Variants in LYPD6B observed in about 807,000 individuals in gnomAD.
The protein encoded by LYPD6B is ly6/PLAUR domain-containing protein 6B.
Under a neutral mutation model 22.8 loss-of-function variants are expected in LYPD6B, and 17 were observed. The ratio of observed to expected loss-of-function variants is 0.75; its 90% CI spans 0.51 to 1.12. The LOEUF (loss-of-function observed/expected upper bound fraction) is 1.12. LYPD6B is among the 50% of genes most tolerant of loss of function. The probability of loss-of-function intolerance (pLI) is 0.00; values close to 1 mark genes in which losing one functional copy is unlikely to be tolerated. For missense variants in LYPD6B, 221 were observed against 258.3 expected, an observed-to-expected ratio of 0.86 and a Z score of 0.99; for synonymous variants, 106 against 91.6, an observed-to-expected ratio of 1.16 and a Z score of -0.90.
chr2:149,051,460 C>T (rs1261638502), intron 1 of LYPD6B, among the ~76,000 whole-genome samples: 2 of 152,104 alleles, frequency 1.3e-5, no homozygotes, highest in East Asian at 1.9e-4. Flanking sequence ...CCACCGCGCC[C>T]GGCCAACAAC....
chr2:149,065,158 G>T (rs1195525844), intron 1 of LYPD6B, among the ~76,000 whole-genome samples: 2 of 152,134 alleles, frequency 1.3e-5, no homozygotes, highest in Non-Finnish European at 2.9e-5. Flanking sequence ...GTCTCCTTAC[G>T]AGTGATAGAT....
At chr2:149,091,545 T>C (rs1051980709) in intron 1 of LYPD6B, among the ~76,000 whole-genome samples, 5 of 151,946 alleles carry the variant, frequency 3.3e-5, no homozygotes, top group African/African-American at 1.2e-4. Flanking sequence ...TATTTCTGAG[T>C]AGGACAAATC....
intron 1 of LYPD6B, among the ~76,000 whole-genome samples, chr2:149,047,052 A>T (rs1683340505): frequency 6.6e-6 from 1 of 152,250 alleles, no homozygotes; most frequent in Non-Finnish European, 1.5e-5. Context: ...TGTAGGTTAT[A>T]GTTTGCTTAC....
At chr2:149,080,841 CAAAAAAAAAAAAAAA>C (rs35803068) in intron 1 of LYPD6B, among the ~76,000 whole-genome samples, 9 of 46,228 alleles carry the variant, frequency 1.9e-4, no homozygotes, top group Non-Finnish European at 2.2e-4. Flanking sequence ...GACTCTATCT[CAAAAAAAAAAAAAAA>C]AAAAAAAAAA....
chr2:149,169,860 A>G lies in LYPD6B; in HGVS notation c.77+9025A>G, dbSNP rs557005204. 2.0e-5 allele frequency among the ~76,000 whole-genome samples: 3 copies of G among 152,304 alleles called. No individual in the cohort carries two copies. The South Asian group carries it at 6.2e-4, about 32-fold the overall frequency. On this transcript the variant is annotated intron_variant, in intron 3 of 6. Coordinates refer to ENST00000409642, the MANE Select transcript of LYPD6B (RefSeq NM_177964.5). ...ACAACTGTTCTTATCCTAACTAGCA[A>G]CTTCAAGAGAACGATTACTCATCCC... is the stretch of plus-strand genomic sequence containing the variant.
chr2:149,093,420 A>G (rs1252908134), intron 1 of LYPD6B, among the ~76,000 whole-genome samples: 2 of 152,182 alleles, frequency 1.3e-5, no homozygotes, highest in African/African-American at 4.8e-5. Flanking sequence ...AAGTATTTCC[A>G]TTAATAAGAC....
chr2:149,147,905 C>CGTGTGTGT (rs1689130457), intron 2 of LYPD6B, among the ~76,000 whole-genome samples: 3 of 57,196 alleles, frequency 5.2e-5, no homozygotes, highest in African/African-American at 1.1e-4. Context: ...TGCACATGGG[C>CGTGTGTGT]CTGTGTGTGT....
intron 4 of LYPD6B, among the ~76,000 whole-genome samples, chr2:149,208,010 C>G (rs1693608303): frequency 6.6e-6 from 1 of 152,060 alleles, no homozygotes; most frequent in Admixed American, 6.6e-5. Context: ...CCCCCTCAAC[C>G]CCTACTTATT....
chr2:149,175,061 CTG>C (rs1330239336), intron 3 of LYPD6B, among the ~76,000 whole-genome samples: 8 of 113,078 alleles, frequency 7.1e-5, no homozygotes, highest in East Asian at 2.9e-4. Flanking sequence ...CTCTCTCTCT[CTG>C]TGTGTGTGTG....
In LYPD6B at chr2:149,090,709, A is replaced by G. The variant is rs140810286; in HGVS notation, c.-66-40174A>G. ...TAACTCAGGCAGAGGACCCAAAGATATTGGTTACATTAAGCAAATAGAAGG... is the reference window on the plus strand; with the variant it reads ...TAACTCAGGCAGAGGACCCAAAGATGTTGGTTACATTAAGCAAATAGAAGG... On this transcript the variant is annotated intron_variant, in intron 1 of 6. Coordinates refer to ENST00000409642, the MANE Select transcript of LYPD6B (RefSeq NM_177964.5). Among the ~76,000 whole-genome samples, 572 of 152,282 alleles carry G rather than the reference A, an allele frequency of 3.8e-3. 2 individuals carry two copies. The highest frequency in any genetic ancestry group is 0.013 in the African/African-American group (542 of 41,572).
intron 1 of LYPD6B, among the ~76,000 whole-genome samples, chr2:149,057,044 T>G (rs1042318234): frequency 1.3e-5 from 2 of 152,220 alleles, no homozygotes; most frequent in African/African-American, 4.8e-5. Flanking sequence ...TACTGCAAAG[T>G]CATCTTTCCA....
At chr2:149,157,225 T>C (rs1689763443) in intron 2 of LYPD6B, among the ~76,000 whole-genome samples, 1 of 152,160 alleles carries the variant, frequency 6.6e-6, no homozygotes, top group South Asian at 2.1e-4. Flanking sequence ...TCTCCTGTTT[T>C]AGAGGCAAAG....
chr2:149,045,107 T>C (rs1199527815), intron 1 of LYPD6B, among the ~76,000 whole-genome samples: 1 of 152,062 alleles, frequency 6.6e-6, no homozygotes, highest in Non-Finnish European at 1.5e-5. Context: ...TAAATAGATA[T>C]AGGACTATTC....
rs1278329326 is a variant in LYPD6B, at chr2:149,188,365, C to A, written c.78-16888C>A. On this transcript the variant is annotated intron_variant, in intron 3 of 6. Transcript: ENST00000409642. ...TCTCTTCTAAACTCTCTTGTCAAGCCATGGGCTGGTTGGTTCTGACTTTAT... is the reference window on the plus strand; with the variant it reads ...TCTCTTCTAAACTCTCTTGTCAAGCAATGGGCTGGTTGGTTCTGACTTTAT... Among the ~76,000 whole-genome samples the A allele has an allele frequency of 2.0e-5, 3 of 152,112 alleles. No individual in the cohort carries two copies. The East Asian group carries it at 5.8e-4, about 29-fold the overall frequency.
rs138662987 is a variant in LYPD6B, at chr2:149,120,899, C to T, written c.-66-9984C>T. ...CTCTACCTCCCAAGATCAGGTGATC[C>T]GCCTGCCTCAGCTTCCCAAGTAACT... On this transcript the variant is annotated intron_variant, in intron 1 of 6. Transcript: ENST00000409642. Among the ~76,000 whole-genome samples the T allele has an allele frequency of 2.4e-3, 360 of 147,260 alleles. 2 individuals are homozygous for T. The highest frequency in any genetic ancestry group is 7.9e-3 in the African/African-American group (309 of 39,234).
chr2:149,099,007 T>C (rs925803278), intron 1 of LYPD6B, among the ~76,000 whole-genome samples: 3 of 152,170 alleles, frequency 2.0e-5, no homozygotes, highest in Non-Finnish European at 2.9e-5. Context: ...ACACCCTCCA[T>C]ATATAACTGT....
At chr2:149,152,727 G>T (rs535417173) in intron 2 of LYPD6B, among the ~76,000 whole-genome samples, 1 of 152,312 alleles carries the variant, frequency 6.6e-6, no homozygotes, top group Admixed American at 6.5e-5. Flanking sequence ...ATTCAGTATG[G>T]AAATTGGATT....
intron 3 of LYPD6B, among the ~76,000 whole-genome samples, chr2:149,201,326 C>T (rs1374648759): frequency 6.6e-6 from 1 of 152,090 alleles, no homozygotes; most frequent in Non-Finnish European, 1.5e-5. Context: ...TGGCTTAGGA[C>T]AAAATAACCT....
intron 2 of LYPD6B, chr2:149,142,311 C>A (rs1688744901): frequency 6.6e-6 from 1 of 152,208 alleles, no homozygotes; most frequent in Non-Finnish European, 1.5e-5. Context: ...CAGCCCTGCA[C>A]TGGGCTTGGG....
Sources: allele counts gnomAD v4.1 joint callset (sites outside exome capture counted in the v4.1 genomes callset), GRCh38; gene constraint gnomAD v4.1.1; transcripts MANE v1.5; gene names NCBI Gene and HGNC (gene_info 2026-07-23, HGNC 2026-07-21).